The following GLIPR1 variants were observed in gnomAD, a reference collection of about 807,000 sequenced individuals.
GLIPR1 encodes GLI pathogenesis related 1, also known as glioma pathogenesis-related protein 1.
A neutral mutation model predicts 30.3 loss-of-function variants in GLIPR1; 38 were observed. The observed-to-expected ratio is 1.26, with a 90% CI of 0.97 to 1.65. The LOEUF (loss-of-function observed/expected upper bound fraction) is 1.65. Among genes scored for constraint, GLIPR1 ranks in the 40% most tolerant of loss-of-function variants. The pLI is 0.00. For missense variants in GLIPR1, 285 were observed against 326.5 expected, an observed-to-expected ratio of 0.87 and a Z score of 0.98; for synonymous variants, 122 against 110.6, an observed-to-expected ratio of 1.10 and a Z score of -0.65.
At chr12:75,492,262 TG>T (rs1259474821) in intron 3 of GLIPR1, 2 of 152,338 alleles carry the variant, frequency 1.3e-5, no homozygotes, top group African/African-American at 4.8e-5. Context: ...TTAATTTTTT[TG>T]TAGAGACAGA....
In GLIPR1 at chr12:75,501,833, A is replaced by G; in HGVS notation, c.*2855A>G. The stretch of plus-strand genomic sequence containing the variant: ...TTGTTTAGCCTACATTAATAAATAA[A>G]AAATATATCAGTTAAATGTATTTAT... On this transcript the variant is annotated 3_prime_UTR_variant, in exon 6 of 6. Transcript: ENST00000266659. 1 of 1,578,166 alleles carries G rather than the reference A, an allele frequency of 6.3e-7. No homozygotes were observed. The highest frequency in any genetic ancestry group is 8.6e-7 in the Non-Finnish European group (1 of 1,157,016).
intron 2 of GLIPR1, among the ~76,000 whole-genome samples, chr12:75,487,106 C>T (rs917897989): frequency 2.2e-4 from 34 of 152,148 alleles, no homozygotes; most frequent in African/African-American, 7.2e-4. Flanking sequence ...GATATAACAA[C>T]GCTACAGAAG....
chr12:75,485,105 AC>A (rs747342797), intron 2 of GLIPR1, among the ~76,000 whole-genome samples: 12 of 152,212 alleles, frequency 7.9e-5, no homozygotes, highest in Non-Finnish European at 1.6e-4. Flanking sequence ...CTGAACAGTT[AC>A]TTTAAGTGGA....
In GLIPR1 at chr12:75,499,985, T is replaced by TTTAGA; in HGVS notation, c.*1010_*1014dup. 1 of 1,525,598 alleles carries TTTAGA rather than the reference T, an allele frequency of 6.6e-7. No individual in the cohort carries two copies. The highest frequency in any genetic ancestry group is 8.8e-7 in the Non-Finnish European group (1 of 1,133,422). 94.5% of individuals were successfully genotyped at this position (1,525,598 alleles called of 1,614,324 possible). A position where few individuals can be genotyped will look rare whatever the true frequency, so the allele number is the denominator to read the frequency against. ...ATTAAAAGCACAACACATGTAATAC[T>TTTAGA]TTAGATTTTACCAAGTAAAACAAAG... On this transcript the variant is annotated 3_prime_UTR_variant, in exon 6 of 6. Transcript: ENST00000266659.
Position 75,500,150 on chromosome 12 carries a change from A to C in GLIPR1, c.*1172A>C. ...GTTAGAAATTTCTTCAGATTAAGAT[A>C]AAACAAATCATAAAATACTTTATAT... On this transcript the variant is annotated 3_prime_UTR_variant, in exon 6 of 6. Transcript: ENST00000266659. 2.5e-6 allele frequency: 1 copy of C among 404,176 alleles called. No individual in the cohort carries two copies. Among genetic ancestry groups the C allele is most frequent in the African/African-American group, 2.1e-5 (1 of 47,742 alleles). The allele number at this position is 404,176 out of a possible 1,614,324, so 25.0% of individuals were successfully genotyped here. A position where few individuals can be genotyped will look rare whatever the true frequency, so the allele number is the denominator to read the frequency against.
At chr12:75,497,078 G>A (rs558476684) in intron 4 of GLIPR1, 2 of 152,074 alleles carry the variant, frequency 1.3e-5, no homozygotes, top group Non-Finnish European at 2.9e-5. Context: ...GTATACATAA[G>A]GGCTAAAACT....
intron 2 of GLIPR1, among the ~76,000 whole-genome samples, chr12:75,485,569 G>A (rs2046290155): frequency 1.6e-4 from 4 of 25,386 alleles, no homozygotes; most frequent in African/African-American, 3.3e-4. Flanking sequence ...TTATTTTTTT[G>A]AGACGGAGTC....
At position 75,500,061 on chromosome 12, in the gene GLIPR1, T is replaced by G; in HGVS notation, c.*1083T>G. On this transcript the variant is annotated 3_prime_UTR_variant, in exon 6 of 6. Coordinates refer to ENST00000266659, the MANE Select transcript of GLIPR1 (RefSeq NM_006851.3). Reference sequence around the variant, plus strand: ...GTTTAAGGCAGTTAACTTCAGAGTATTCTTATAATTGAATAATTGAAAGGT... The same window carrying G: ...GTTTAAGGCAGTTAACTTCAGAGTAGTCTTATAATTGAATAATTGAAAGGT... The G allele has an allele frequency of 5.2e-6, 4 of 770,130 alleles. No individual in the cohort carries two copies. In the South Asian group the frequency reaches 8.1e-5, roughly 16 times the overall value. The allele number at this position is 770,130 out of a possible 1,614,324, so 47.7% of individuals were successfully genotyped here.
At position 75,500,385 on chromosome 12, in the gene GLIPR1, T is replaced by TAATC. The variant is rs1489145614; in HGVS notation, c.*1409_*1412dup. On this transcript the variant is annotated 3_prime_UTR_variant, in exon 6 of 6. Coordinates refer to ENST00000266659, the MANE Select transcript of GLIPR1 (RefSeq NM_006851.3). ...TACATGTATCCCTTCTCAATAAGTTTAATCAGCTAACCCTAAGCTAGAGGT... is the reference window on the plus strand; with the variant it reads ...TACATGTATCCCTTCTCAATAAGTTTAATCAATCAGCTAACCCTAAGCTAGAGGT... 6.6e-6 allele frequency: 1 copy of TAATC among 152,134 alleles called. No homozygotes were observed. Among genetic ancestry groups the TAATC allele is most frequent in the African/African-American group, 2.4e-5 (1 of 41,440 alleles). 9.4% of individuals were successfully genotyped at this position (152,134 alleles called of 1,614,324 possible). A position where few individuals can be genotyped will look rare whatever the true frequency, so the allele number is the denominator to read the frequency against.
At chr12:75,486,675 C>G (rs1384454704) in intron 2 of GLIPR1, among the ~76,000 whole-genome samples, 4 of 152,080 alleles carry the variant, frequency 2.6e-5, no homozygotes, top group Non-Finnish European at 5.9e-5. Flanking sequence ...GCAGTGACTA[C>G]AAATGAATAC....
At chr12:75,492,614 A>C (rs2046329685) in intron 3 of GLIPR1, 1 of 152,244 alleles carries the variant, frequency 6.6e-6, no homozygotes, top group African/African-American at 2.4e-5. Context: ...GTATAAATGT[A>C]AATTTTCCTG....
At chr12:75,494,321 C>A (rs73356179) in intron 3 of GLIPR1, 4 of 152,032 alleles carry the variant, frequency 2.6e-5, no homozygotes, top group Non-Finnish European at 4.4e-5. Context: ...ATAACATTTC[C>A]TTTCATTATG....
chr12:75,488,931 C>G (rs74108812), intron 2 of GLIPR1, among the ~76,000 whole-genome samples: 1,770 of 152,278 alleles, frequency 0.012, 30 homozygotes, highest in African/African-American at 0.04. Flanking sequence ...CTAGCTCACT[C>G]AATTTTGAAT....
intron 2 of GLIPR1, among the ~76,000 whole-genome samples, chr12:75,488,978 AAC>A (rs1223742153): frequency 6.6e-6 from 1 of 152,220 alleles, no homozygotes; most frequent in African/African-American, 2.4e-5. Context: ...ATTGCTCAAA[AAC>A]TTATGAGTAA....
intron 4 of GLIPR1, chr12:75,495,928 G>A (rs967175659): frequency 1.2e-5 from 3 of 243,398 alleles, no homozygotes; most frequent in African/African-American, 6.9e-5. Context: ...AGATTCCTAA[G>A]ATTTGCTTAT....
At chr12:75,498,646 T>C (rs773735837) in intron 4 of GLIPR1, 48 bp from the exon 5 acceptor site, 6 of 1,492,474 alleles carry the variant, frequency 4.0e-6, no homozygotes, top group African/African-American at 1.4e-5. Flanking sequence ...AACTCTCAAC[T>C]GTGTCTACCC....
chr12:75,496,572 T>A (rs772325120), intron 4 of GLIPR1: 1 of 70,766 alleles, frequency 1.4e-5, no homozygotes, highest in African/African-American at 3.8e-5. Context: ...TCCCAGTATG[T>A]TTTTTTACCA....
intron 2 of GLIPR1, 74 bp from the exon 3 acceptor site, chr12:75,490,332 G>C: frequency 3.6e-6 from 3 of 834,688 alleles, no homozygotes; most frequent in Non-Finnish European, 6.0e-6. Context: ...ACCTCACCAT[G>C]TTTATGAAGA....
chr12:75,489,284 T>C (rs73183218), intron 2 of GLIPR1, among the ~76,000 whole-genome samples: 2,235 of 152,322 alleles, frequency 0.015, 20 homozygotes, highest in Middle Eastern at 0.044. Flanking sequence ...CAGGTCTCTC[T>C]GTTCTTGGTT....
Sources: allele counts gnomAD v4.1 joint callset (sites outside exome capture counted in the v4.1 genomes callset), GRCh38; gene constraint gnomAD v4.1.1; transcripts MANE v1.5; gene names NCBI Gene and HGNC (gene_info 2026-07-23, HGNC 2026-07-21).